GDF7: variants seen among roughly 807,000 people sequenced by gnomAD.
GDF7 encodes the protein growth/differentiation factor 7.
GDF7 carries 12 observed loss-of-function variants against 13.4 expected under a neutral mutation model. The observed-to-expected ratio is 0.90, with a 90% CI of 0.57 to 1.45. The LOEUF is 1.45. Ranked by LOEUF, GDF7 falls within the 40% of genes most tolerant of loss-of-function variation. GDF7 has a pLI of 0.00. For missense variants in GDF7, 651 were observed against 652.4 expected (o/e 1.00, Z 0.02); for synonymous variants, 330 against 306.4 (o/e 1.08, Z -0.80).
Position 20,667,206 on chromosome 2 carries a change from C to T in GDF7, c.-34C>T. 5.2e-6 allele frequency: 6 copies of T among 1,154,192 alleles called. No individual in the cohort carries two copies. Among genetic ancestry groups the T allele is most frequent in the Non-Finnish European group, 6.4e-6 (6 of 938,622 alleles). 71.5% of individuals were successfully genotyped at this position (1,154,192 alleles called of 1,614,324 possible). A position where few individuals can be genotyped will look rare whatever the true frequency, so the allele number is the denominator to read the frequency against. On this transcript the variant is annotated 5_prime_UTR_variant, in exon 1 of 2. Transcript: ENST00000272224. This position sits in a 1 kb window ranked among gnomAD's most constrained non-coding sequence, Gnocchi z 6.4. ...CGGGGGACTTCCCGGAGCCACGGAG[C>T]CCGCGCCGCCCGCCCGCCCGGCCCA...
At position 20,667,289 on chromosome 2, in the gene GDF7, G is replaced by T; in HGVS notation, c.50G>T (p.Cys17Phe). The T allele has an allele frequency of 8.3e-7, 1 of 1,211,156 alleles. No homozygotes were observed. Among genetic ancestry groups the T allele is most frequent in the Admixed American group, 3.7e-5 (1 of 27,056 alleles). The allele number at this position is 1,211,156 out of a possible 1,614,324, so 75.0% of individuals were successfully genotyped here. A position where few individuals can be genotyped will look rare whatever the true frequency, so the allele number is the denominator to read the frequency against. Residue 17 changes from cysteine to phenylalanine, a missense_variant, in exon 1 of 2, where the codon TGC becomes TTC. This residue lies in a region of GDF7 where 61 missense variants were observed against 50.5 expected (regional missense o/e 1.21). Transcript: ENST00000272224. The surrounding 1 kb of genome is among the most constrained non-coding windows in gnomAD (Gnocchi z 6.4). ...AALCLWLLSA[C>F]RPRDGLEAAA... ...CTGTGCCTTTGGCTGCTGAGCGCCTGCCGCCCCCGCGACGGGCTGGAAGCG... is the reference window on the plus strand; with the variant it reads ...CTGTGCCTTTGGCTGCTGAGCGCCTTCCGCCCCCGCGACGGGCTGGAAGCG...
In GDF7 at chr2:20,670,342, A is replaced by G. The variant is rs912494330; in HGVS notation, c.392-122A>G. On this transcript the variant is annotated intron_variant, in intron 1 of 1. Coordinates refer to ENST00000272224, the MANE Select transcript of GDF7 (RefSeq NM_182828.4). ...GACGCGGAGTCGGGCGCTGGCTCCA[A>G]CAGGCCTGGCTCCCACATCGAAGAC... 19 of 1,122,410 alleles carry G rather than the reference A, an allele frequency of 1.7e-5. No homozygotes were observed. The African/African-American group carries it at 2.8e-4, about 17-fold the overall frequency. The allele number at this position is 1,122,410 out of a possible 1,614,324, so 69.5% of individuals were successfully genotyped here. A position where few individuals can be genotyped will look rare whatever the true frequency, so the allele number is the denominator to read the frequency against.
At position 20,670,609 on chromosome 2, in the gene GDF7, G is replaced by A; in HGVS notation, c.537G>A (p.Leu179=). The A allele has an allele frequency of 6.3e-7, 1 of 1,589,826 alleles. No homozygotes were observed. The highest frequency in any genetic ancestry group is 2.3e-5 in the East Asian group (1 of 43,544). ...SGPGSWTSPP[L]LLLSTCPGAA... ...CAGGCAGCTGGACTTCTCCGCCGTT[G>A]CTGCTGCTGTCCACGTGCCCGGGCG... The change falls in exon 2 of 2, where the codon TTG becomes TTA. Residue 179 remains leucine, a synonymous_variant. Transcript: ENST00000272224.
Position 20,671,079 on chromosome 2 carries a change from G to A in GDF7, c.1007G>A (p.Gly336Asp). ...CGGACAGCGCAGGGCAGCGGCGGGGGCGCGGGCCGGGGCCACGGGCGCAGG... is the reference window on the plus strand; with the variant it reads ...CGGACAGCGCAGGGCAGCGGCGGGGACGCGGGCCGGGGCCACGGGCGCAGG... Reference protein sequence around the residue: ...GTRTAQGSGGGAGRGHGRRGR... With the variant: ...GTRTAQGSGGDAGRGHGRRGR... The change falls in exon 2 of 2, where the codon GGC (glycine) becomes GAC (aspartate). Residue 336 changes from glycine (G) to aspartate (D), a missense_variant. Gly to Asp is a moderately conservative substitution (Grantham distance 94). This residue lies in a region of GDF7 where 487 missense variants were observed against 445.9 expected (regional missense o/e 1.09). Transcript: ENST00000272224. 1.3e-6 allele frequency: 2 copies of A among 1,505,854 alleles called. No homozygotes were observed. Among genetic ancestry groups the A allele is most frequent in the Non-Finnish European group, 8.9e-7 (1 of 1,129,434 alleles). 93.3% of individuals were successfully genotyped at this position (1,505,854 alleles called of 1,614,324 possible). A position where few individuals can be genotyped will look rare whatever the true frequency, so the allele number is the denominator to read the frequency against.
rs192174150 is a variant in GDF7, at chr2:20,675,106, G to A, written c.*3681G>A. 2.6e-5 allele frequency: 4 copies of A among 152,226 alleles called. No individual in the cohort carries two copies. In the East Asian group the frequency reaches 7.7e-4, roughly 29 times the overall value. The allele number at this position is 152,226 out of a possible 1,614,324, so 9.4% of individuals were successfully genotyped here. On this transcript the variant is annotated 3_prime_UTR_variant, in exon 2 of 2. Coordinates refer to ENST00000272224, the MANE Select transcript of GDF7 (RefSeq NM_182828.4). ...CAGGAAATCCAGTGGCAGGAAGAGAGTGTCCTGAGGCTGCCTCTGGGGGCA... is the reference window on the plus strand; with the variant it reads ...CAGGAAATCCAGTGGCAGGAAGAGAATGTCCTGAGGCTGCCTCTGGGGGCA...
chr2:20,667,250 G>GCGC lies in GDF7; in HGVS notation c.21_23dup (p.Ala8dup). 1.6e-6 allele frequency: 2 copies of GCGC among 1,235,934 alleles called. No homozygotes were observed. Among genetic ancestry groups the GCGC allele is most frequent in the East Asian group, 4.0e-5 (1 of 25,268 alleles). The allele number at this position is 1,235,934 out of a possible 1,614,324, so 76.6% of individuals were successfully genotyped here. On this transcript the variant is annotated inframe_insertion, in exon 1 of 2. Transcript: ENST00000272224. This position sits in a 1 kb window ranked among gnomAD's most constrained non-coding sequence, Gnocchi z 6.4. ...CGGCCCACGGAGCCCATGGACCTGAGCGCCGCCGCCGCGCTGTGCCTTTGG... is the reference window on the plus strand; with the variant it reads ...CGGCCCACGGAGCCCATGGACCTGAGCGCCGCCGCCGCCGCGCTGTGCCTTTGG...
Position 20,671,432 on chromosome 2 carries a change from G to A in GDF7, c.*7G>A, listed in dbSNP as rs747667475. 8 of 1,606,954 alleles carry A rather than the reference G, an allele frequency of 5.0e-6. No individual in the cohort carries two copies. In the East Asian group the frequency reaches 6.7e-5, roughly 13 times the overall value. Reference sequence around the variant, plus strand: ...GGCCTGCGGCTGCAGGTAGCGCGAGGGCCGGGGAGGGGGCAGCCACGCGGC... The same window carrying A: ...GGCCTGCGGCTGCAGGTAGCGCGAGAGCCGGGGAGGGGGCAGCCACGCGGC... On this transcript the variant is annotated 3_prime_UTR_variant, in exon 2 of 2. Coordinates refer to ENST00000272224, the MANE Select transcript of GDF7 (RefSeq NM_182828.4).
In GDF7 at chr2:20,675,734, C is replaced by T. The variant is rs10194529; in HGVS notation, c.*4309C>T. 0.25 allele frequency: 38,616 copies of T among 152,344 alleles called. 5,288 individuals are homozygous for T. Among genetic ancestry groups the T allele is most frequent in the Non-Finnish European group, 0.3 (20,558 of 68,106 alleles). 9.4% of individuals were successfully genotyped at this position (152,344 alleles called of 1,614,324 possible). A position where few individuals can be genotyped will look rare whatever the true frequency, so the allele number is the denominator to read the frequency against. Reference sequence around the variant, plus strand: ...AGAAGGTCCTCTCCCAATCCCAGTCCCAGAGCCTCATCTTACCGGTTTCGC... The same window carrying T: ...AGAAGGTCCTCTCCCAATCCCAGTCTCAGAGCCTCATCTTACCGGTTTCGC... On this transcript the variant is annotated 3_prime_UTR_variant, in exon 2 of 2. Transcript: ENST00000272224.
Position 20,678,573 on chromosome 2 carries a change from G to A in GDF7, c.*7148G>A, listed in dbSNP as rs1337600000. 1 of 152,196 alleles carries A rather than the reference G, an allele frequency of 6.6e-6. No homozygotes were observed. The highest frequency in any genetic ancestry group is 1.5e-5 in the Non-Finnish European group (1 of 68,036). The allele number at this position is 152,196 out of a possible 1,614,324, so 9.4% of individuals were successfully genotyped here. A position where few individuals can be genotyped will look rare whatever the true frequency, so the allele number is the denominator to read the frequency against. On this transcript the variant is annotated 3_prime_UTR_variant, in exon 2 of 2. Coordinates refer to ENST00000272224, the MANE Select transcript of GDF7 (RefSeq NM_182828.4). ...CAGCTTATAAAATGCGGCTGTTTAA[G>A]CAGGACTTGGGTGGGCAGCAGAATT...
At chr2:20,669,722 C>T (rs1185406311) in intron 1 of GDF7, among the ~76,000 whole-genome samples, 1 of 152,252 alleles carries the variant, frequency 6.6e-6, no homozygotes, top group Non-Finnish European at 1.5e-5. Flanking sequence ...TCGCGAGCAG[C>T]AGCGCCCATT....
chr2:20,668,847 G>T lies in GDF7; in HGVS notation c.391+1217G>T, dbSNP rs527389793. On this transcript the variant is annotated intron_variant, in intron 1 of 1. Coordinates refer to ENST00000272224, the MANE Select transcript of GDF7 (RefSeq NM_182828.4). ...AAGCCTTCTCTGACGGCCTGACATG[G>T]CCCCTGGGCTGGATGCTGGGATACT... Among the ~76,000 whole-genome samples the T allele has an allele frequency of 3.3e-5, 5 of 152,336 alleles. No homozygotes were observed. In the South Asian group the frequency reaches 1.0e-3, roughly 32 times the overall value.
Position 20,667,179 on chromosome 2 carries a change from G to C in GDF7, c.-61G>C. The C allele has an allele frequency of 1.8e-6, 2 of 1,094,410 alleles. No homozygotes were observed. Among genetic ancestry groups the C allele is most frequent in the Non-Finnish European group, 2.2e-6 (2 of 900,154 alleles). 67.8% of individuals were successfully genotyped at this position (1,094,410 alleles called of 1,614,324 possible). A position where few individuals can be genotyped will look rare whatever the true frequency, so the allele number is the denominator to read the frequency against. On this transcript the variant is annotated 5_prime_UTR_variant, in exon 1 of 2. Coordinates refer to ENST00000272224, the MANE Select transcript of GDF7 (RefSeq NM_182828.4). This position sits in a 1 kb window ranked among gnomAD's most constrained non-coding sequence, Gnocchi z 6.4. The stretch of plus-strand genomic sequence containing the variant: ...TTATTAAACACTATGTTCAAAAGGC[G>C]CCGGGGGACTTCCCGGAGCCACGGA...
In GDF7 at chr2:20,678,548, C is replaced by T. The variant is rs1662270856; in HGVS notation, c.*7123C>T. On this transcript the variant is annotated 3_prime_UTR_variant, in exon 2 of 2. Coordinates refer to ENST00000272224, the MANE Select transcript of GDF7 (RefSeq NM_182828.4). Reference sequence around the variant, plus strand: ...GAAGGTTGTTGCAGAGCTCCCGTACCAGCTTATAAAATGCGGCTGTTTAAG... The same window carrying T: ...GAAGGTTGTTGCAGAGCTCCCGTACTAGCTTATAAAATGCGGCTGTTTAAG... 6.6e-6 allele frequency: 1 copy of T among 152,188 alleles called. No individual in the cohort carries two copies. Among genetic ancestry groups the T allele is most frequent in the South Asian group, 2.1e-4 (1 of 4,826 alleles). The allele number at this position is 152,188 out of a possible 1,614,324, so 9.4% of individuals were successfully genotyped here.
chr2:20,677,720 C>T lies in GDF7; in HGVS notation c.*6295C>T, dbSNP rs949932064. 2 of 152,270 alleles carry T rather than the reference C, an allele frequency of 1.3e-5. No homozygotes were observed. The highest frequency in any genetic ancestry group is 2.9e-5 in the Non-Finnish European group (2 of 68,058). 9.4% of individuals were successfully genotyped at this position (152,270 alleles called of 1,614,324 possible). On this transcript the variant is annotated 3_prime_UTR_variant, in exon 2 of 2. Transcript: ENST00000272224. ...GCTGCAACATGGGAAGCGACAGCAC[C>T]GAAGCTGGTGAGCTGGTGCAACTGC...
Position 20,675,480 on chromosome 2 carries a change from C to T in GDF7, c.*4055C>T, listed in dbSNP as rs1279760135. 2.6e-5 allele frequency: 4 copies of T among 152,248 alleles called. No homozygotes were observed. The highest frequency in any genetic ancestry group is 1.9e-4 in the East Asian group (1 of 5,192). The allele number at this position is 152,248 out of a possible 1,614,324, so 9.4% of individuals were successfully genotyped here. On this transcript the variant is annotated 3_prime_UTR_variant, in exon 2 of 2. Transcript: ENST00000272224. ...TTCCGAGTGCCCAGAGGCAGCTGCT[C>T]CCACAGCACGGACTGCGCCCGCCAG...
rs1695996129 is a variant in GDF7 at position 20,667,889 on chromosome 2, G to A, written c.391+259G>A. 6.6e-6 allele frequency among the ~76,000 whole-genome samples: 1 copy of A among 152,224 alleles called. No homozygotes were observed. The highest frequency in any genetic ancestry group is 1.5e-5 in the Non-Finnish European group (1 of 68,036). ...CCAGGTCTCCCTGGCCTTGCAGGCC[G>A]GCTGGTCCCCTCGAGGAGGCAGGCG... On this transcript the variant is annotated intron_variant, in intron 1 of 1. Coordinates refer to ENST00000272224, the MANE Select transcript of GDF7 (RefSeq NM_182828.4). The surrounding 1 kb of genome is among the most constrained non-coding windows in gnomAD (Gnocchi z 6.4).
rs1662162041 is a variant in GDF7, at chr2:20,673,230, T to C, written c.*1805T>C. ...AAAAAAATACACGTGTAAATTACTC[T>C]TAAAATTAAGATTCCCCCCTTCCTC... On this transcript the variant is annotated 3_prime_UTR_variant, in exon 2 of 2. Coordinates refer to ENST00000272224, the MANE Select transcript of GDF7 (RefSeq NM_182828.4). 1.3e-5 allele frequency: 2 copies of C among 151,450 alleles called. No homozygotes were observed. Among genetic ancestry groups the C allele is most frequent in the East Asian group, 1.9e-4 (1 of 5,186 alleles). 9.4% of individuals were successfully genotyped at this position (151,450 alleles called of 1,614,324 possible).
In GDF7 at chr2:20,671,676, A is replaced by T; in HGVS notation, c.*251A>T. ...TGTCAAAGCCCTGTGTATTTTGCAA[A>T]CAGATAACCATGGCGCCCACTGCCC... On this transcript the variant is annotated 3_prime_UTR_variant, in exon 2 of 2. Coordinates refer to ENST00000272224, the MANE Select transcript of GDF7 (RefSeq NM_182828.4). 2.0e-6 allele frequency: 1 copy of T among 503,676 alleles called. No individual in the cohort carries two copies. Among genetic ancestry groups the T allele is most frequent in the Non-Finnish European group, 3.6e-6 (1 of 279,768 alleles). 31.2% of individuals were successfully genotyped at this position (503,676 alleles called of 1,614,324 possible).
In GDF7 at chr2:20,670,942, G is replaced by C. The variant is rs755785710; in HGVS notation, c.870G>C (p.Ala290=). 6 of 1,567,876 alleles carry C rather than the reference G, an allele frequency of 3.8e-6. No individual in the cohort carries two copies. The East Asian group carries it at 1.4e-4, about 37-fold the overall frequency. The change falls in exon 2 of 2, where the codon GCG becomes GCC. Residue 290 remains alanine (A), a synonymous_variant. Coordinates refer to ENST00000272224, the MANE Select transcript of GDF7 (RefSeq NM_182828.4). ...LFREIRAQAR[A]LGAALASEPL... ...GGGAGATCCGCGCCCAGGCCCGCGCGCTCGGGGCCGCTCTGGCCTCAGAGC... is the reference window on the plus strand; with the variant it reads ...GGGAGATCCGCGCCCAGGCCCGCGCCCTCGGGGCCGCTCTGGCCTCAGAGC...
Sources: gnomAD v4.1 joint callset for allele counts (sites outside exome capture counted in the v4.1 genomes callset) on GRCh38, gnomAD v4.1.1 for gene constraint, gnomAD v4.1.1 regional missense constraint, Gnocchi (gnomAD v3.1) non-coding constraint, MANE v1.5 for transcripts, NCBI Gene and HGNC (gene_info 2026-07-23, HGNC 2026-07-21) for gene names.